The following CCDC66 variants were observed in gnomAD, a reference collection of about 807,000 sequenced individuals.
The protein encoded by CCDC66 is coiled-coil domain containing 66, also known as coiled-coil domain-containing protein 66.
A neutral mutation model predicts 128.3 loss-of-function variants in CCDC66; 133 were observed. That is an observed-to-expected ratio of 1.04 (90% CI 0.90 to 1.20). The LOEUF is 1.20. Ranked by LOEUF, CCDC66 falls within the 50% of genes most tolerant of loss-of-function variation. CCDC66 has a pLI of 0.00. For missense variants in CCDC66, 1,126 were observed against 1,075.5 expected, an observed-to-expected ratio of 1.05 and a Z score of -0.66; for synonymous variants, 387 against 357.0, an observed-to-expected ratio of 1.08 and a Z score of -0.95.
At chr3:56,591,858 C>T (rs1434912926) in intron 7 of CCDC66, among the ~76,000 whole-genome samples, 1 of 152,152 alleles carries the variant, frequency 6.6e-6, no homozygotes, top group Non-Finnish European at 1.5e-5. Flanking sequence ...AAGAAAGTAA[C>T]ATTGTGAGGT....
At position 56,558,830 on chromosome 3, in the gene CCDC66, TC is replaced by T; in HGVS notation, c.12-15del. The T allele has an allele frequency of 6.5e-7, 1 of 1,534,270 alleles. No individual in the cohort carries two copies. The highest frequency in any genetic ancestry group is 8.8e-7 in the Non-Finnish European group (1 of 1,132,804). On this transcript the variant is annotated splice_polypyrimidine_tract_variant and intron_variant, in intron 1 of 17. Coordinates refer to ENST00000394672, the MANE Select transcript of CCDC66 (RefSeq NM_001141947.3). ...GTTTGTTAAAAATGAGAGACAACTTTCTTTTTTTATTACAGAGATGGTTTAA... is the reference window on the plus strand; with the variant it reads ...GTTTGTTAAAAATGAGAGACAACTTTTTTTTTTATTACAGAGATGGTTTAA...
intron 4 of CCDC66, among the ~76,000 whole-genome samples, chr3:56,564,748 A>G (rs1033967775): frequency 1.3e-5 from 2 of 152,270 alleles, no homozygotes; most frequent in Admixed American, 1.3e-4. Context: ...GACAATAGAA[A>G]TATCTAAAAT....
At position 56,593,639 on chromosome 3, in the gene CCDC66, G is replaced by A; in HGVS notation, c.1217G>A (p.Ser406Asn). 2 of 1,614,220 alleles carry A rather than the reference G, an allele frequency of 1.2e-6. No homozygotes were observed. The highest frequency in any genetic ancestry group is 8.5e-7 in the Non-Finnish European group (1 of 1,180,040). The part of the protein sequence containing the change: ...PDTQELADVS[S>N]VCTPTTGSQV... ...ACTCAGGAGCTGGCTGATGTCAGCA[G>A]TGTTTGTACACCTACAACCGGAAGC... is the stretch of plus-strand genomic sequence containing the variant. Residue 406 changes from serine (S) to asparagine (N), a missense_variant, in exon 9 of 18, where the codon AGT becomes AAT. Coordinates refer to ENST00000394672, the MANE Select transcript of CCDC66 (RefSeq NM_001141947.3).
chr3:56,566,824 A>G, intron 5 of CCDC66, 65 bp downstream of exon 5: 1 of 1,525,718 alleles, frequency 6.6e-7, no homozygotes, highest in South Asian at 1.2e-5. Flanking sequence ...CTTTTCCTTT[A>G]CTTGCATGTG....
intron 7 of CCDC66, among the ~76,000 whole-genome samples, chr3:56,579,569 A>G (rs1335067049): frequency 5.9e-5 from 9 of 151,800 alleles, no homozygotes; most frequent in Non-Finnish European, 1.0e-4. Flanking sequence ...TTCCCTCTAC[A>G]CACTGCTTTG....
chr3:56,575,292 G>T (rs769670719), intron 7 of CCDC66, among the ~76,000 whole-genome samples: 17 of 151,800 alleles, frequency 1.1e-4, no homozygotes, highest in Non-Finnish European at 2.5e-4. Flanking sequence ...CATCCCAATG[G>T]TTGTGAAATG....
At chr3:56,574,840 G>A (rs1006856682) in intron 7 of CCDC66, among the ~76,000 whole-genome samples, 5 of 151,688 alleles carry the variant, frequency 3.3e-5, no homozygotes, top group African/African-American at 1.2e-4. Flanking sequence ...ATGTCCTCAA[G>A]GTTTACCCAT....
At chr3:56,586,529 CAAAAAAAAAAAAA>C (rs2069774783) in intron 7 of CCDC66, among the ~76,000 whole-genome samples, 1 of 130,624 alleles carries the variant, frequency 7.7e-6, no homozygotes, top group African/African-American at 3.0e-5. Flanking sequence ...GACTCTTTCT[CAAAAAAAAAAAAA>C]GAAAAAAAGA....
Position 56,619,416 on chromosome 3 carries a change from GA to G in CCDC66, c.2526del (p.Glu842AspfsTer61). 3 of 1,613,952 alleles carry G rather than the reference GA, an allele frequency of 1.9e-6. No individual in the cohort carries two copies. Among genetic ancestry groups the G allele is most frequent in the Non-Finnish European group, 2.5e-6 (3 of 1,179,944 alleles). On this transcript the variant is annotated frameshift_variant, in exon 16 of 18. Coordinates refer to ENST00000394672, the MANE Select transcript of CCDC66 (RefSeq NM_001141947.3). LOFTEE classifies it high-confidence loss of function. Reference protein sequence around the residue: ...NQTELSSGISESSHFIPYVRT... With the variant: ...NQTELSSGISXSSHFIPYVRT... ...AACAGAATTATCATCTGGGATTTCT[GA>G]ATCATCCCATTTTATTCCGTATGTT... is the stretch of plus-strand genomic sequence containing the variant.
chr3:56,565,914 C>T (rs1389638006), intron 4 of CCDC66, among the ~76,000 whole-genome samples: 1 of 152,204 alleles, frequency 6.6e-6, no homozygotes, highest in Non-Finnish European at 1.5e-5. Context: ...GATCCGCCCA[C>T]CTTGGCCTCC....
intron 7 of CCDC66, among the ~76,000 whole-genome samples, chr3:56,580,316 A>C (rs1455511007): frequency 6.6e-6 from 1 of 151,394 alleles, no homozygotes; most frequent in Non-Finnish European, 1.5e-5. Flanking sequence ...TGCATGTGAG[A>C]TGGGTCTCCG....
chr3:56,559,139 T>C (rs2064761049), intron 2 of CCDC66, among the ~76,000 whole-genome samples: 2 of 152,194 alleles, frequency 1.3e-5, no homozygotes, highest in Non-Finnish European at 2.9e-5. Flanking sequence ...TCCAGTATAT[T>C]GCGTGTTCAT....
chr3:56,563,127 A>C (rs970047015), intron 3 of CCDC66, among the ~76,000 whole-genome samples: 11 of 151,960 alleles, frequency 7.2e-5, no homozygotes, highest in African/African-American at 2.7e-4. Context: ...TTGGGAGGCC[A>C]AGGCAGGTGG....
chr3:56,617,429 A>G lies in CCDC66; in HGVS notation c.2161A>G (p.Lys721Glu), dbSNP rs369606649. The part of the protein sequence containing the change: ...RYIPASEKYP[K>E]QLQKQREEKK... ...TATTCCAGCATCAGAAAAGTACCCT[A>G]AACAGCTTCAAAAGCAGAGAGAAGA... The change falls in exon 14 of 18, where the codon AAA becomes GAA. Residue 721 changes from lysine (K) to glutamate (E), a missense_variant. Transcript: ENST00000394672. 6.3e-5 allele frequency: 102 copies of G among 1,614,002 alleles called. No individual in the cohort carries two copies. Among genetic ancestry groups the G allele is most frequent in the Non-Finnish European group, 8.3e-5 (98 of 1,180,002 alleles).
At chr3:56,581,872 A>G (rs919108339) in intron 7 of CCDC66, among the ~76,000 whole-genome samples, 7 of 151,766 alleles carry the variant, frequency 4.6e-5, no homozygotes, top group Non-Finnish European at 7.4e-5. Context: ...AGGGACCCAC[A>G]TGAGGAGGCA....
chr3:56,602,039 C>T (rs999648328), intron 10 of CCDC66, among the ~76,000 whole-genome samples: 7 of 151,972 alleles, frequency 4.6e-5, no homozygotes, highest in African/African-American at 1.5e-4. Flanking sequence ...GGCATCCTTG[C>T]CTTTTGCCGT....
chr3:56,586,164 G>A lies in CCDC66; in HGVS notation c.937-6806G>A, dbSNP rs144688114. 1.4e-4 allele frequency among the ~76,000 whole-genome samples: 22 copies of A among 152,040 alleles called. 1 individual carries two copies. Among genetic ancestry groups the A allele is most frequent in the Admixed American group, 6.6e-4 (10 of 15,164 alleles). ...ATATTGTGCAAAGTGTTTAGCTGTT[G>A]TGTGATCTCTCCATAAAGGCAGAGT... On this transcript the variant is annotated intron_variant, in intron 7 of 17. Transcript: ENST00000394672.
Position 56,593,573 on chromosome 3 carries a change from C to T in CCDC66, c.1151C>T (p.Ser384Leu). ...PGSQSQLFSQ[S>L]THKQPEYFCV... The stretch of plus-strand genomic sequence containing the variant: ...TCTCAATCTCAGCTGTTCTCTCAGT[C>T]AACACACAAACAACCTGAGTACTTC... Residue 384 changes from serine to leucine, a missense_variant, in exon 9 of 18, where the codon TCA (serine) becomes TTA (leucine). Ser to Leu is a moderately radical substitution (Grantham distance 145). Transcript: ENST00000394672. 1 of 1,614,138 alleles carries T rather than the reference C, an allele frequency of 6.2e-7. No individual in the cohort carries two copies. Among genetic ancestry groups the T allele is most frequent in the South Asian group, 1.1e-5 (1 of 91,068 alleles).
At position 56,617,101 on chromosome 3, in the gene CCDC66, C is replaced by A. The variant is rs1362742603; in HGVS notation, c.1844-11C>A. On this transcript the variant is annotated splice_polypyrimidine_tract_variant and intron_variant, in intron 13 of 17. Coordinates refer to ENST00000394672, the MANE Select transcript of CCDC66 (RefSeq NM_001141947.3). ...TACAATTTTTAAAAATCATTTGCAA[C>A]TTTTTTTTAGATGACTTAAATATAG... The A allele has an allele frequency of 2.7e-6, 4 of 1,494,358 alleles. No homozygotes were observed. The highest frequency in any genetic ancestry group is 2.9e-5 in the African/African-American group (2 of 70,024). 92.6% of individuals were successfully genotyped at this position (1,494,358 alleles called of 1,614,324 possible). A position where few individuals can be genotyped will look rare whatever the true frequency, so the allele number is the denominator to read the frequency against.
Sources: allele counts gnomAD v4.1 joint callset (sites outside exome capture counted in the v4.1 genomes callset), GRCh38; gene constraint gnomAD v4.1.1; transcripts MANE v1.5; gene names NCBI Gene and HGNC (gene_info 2026-07-23, HGNC 2026-07-21).